The following MAP3K5 variants were observed in gnomAD, a reference collection of about 807,000 sequenced individuals.
The protein encoded by MAP3K5 is ASK-1.
MAP3K5 carries 56 observed loss-of-function variants against 158.7 expected under a neutral mutation model. The observed-to-expected ratio is 0.35, with a 90% CI of 0.28 to 0.44. The LOEUF is 0.44. Among genes scored for constraint, MAP3K5 ranks in the 20% least tolerant of loss-of-function variants. The probability of loss-of-function intolerance (pLI) is 1.00; values close to 1 mark genes in which losing one functional copy is unlikely to be tolerated. For synonymous variants in MAP3K5, 579 were observed against 601.7 expected (o/e 0.96, Z 0.55); for missense variants, 1,294 against 1,674.8 (o/e 0.77, Z 3.97).
At chr6:136,737,293 C>T (rs1038131957) in intron 1 of MAP3K5, among the ~76,000 whole-genome samples, 1 of 152,068 alleles carries the variant, frequency 6.6e-6, no homozygotes, top group East Asian at 1.9e-4. Flanking sequence ...ATATTATGCT[C>T]ACTACACCTG....
At chr6:136,709,491 C>A (rs934775935) in intron 2 of MAP3K5, among the ~76,000 whole-genome samples, 2 of 152,100 alleles carry the variant, frequency 1.3e-5, no homozygotes, top group East Asian at 1.9e-4. Flanking sequence ...CATGCTCCCC[C>A]AGCATACAAG....
intron 25 of MAP3K5, among the ~76,000 whole-genome samples, chr6:136,575,549 C>T (rs778751967): frequency 7.9e-5 from 12 of 152,098 alleles, no homozygotes; most frequent in Non-Finnish European, 1.5e-4. Flanking sequence ...ATCAAGGATC[C>T]CTCATTATAA....
intron 25 of MAP3K5, among the ~76,000 whole-genome samples, chr6:136,578,928 TG>T (rs1328990155): frequency 1.3e-5 from 2 of 151,820 alleles, no homozygotes; most frequent in African/African-American, 4.8e-5. Context: ...CACAGCACTT[TG>T]GGAGGCCGAG....
chr6:136,584,606 A>C (rs904876228), intron 23 of MAP3K5: 4 of 152,206 alleles, frequency 2.6e-5, no homozygotes, highest in African/African-American at 9.7e-5. Flanking sequence ...ATCACCTCCC[A>C]CCAGGTTCCT....
intron 7 of MAP3K5, among the ~76,000 whole-genome samples, chr6:136,671,219 C>T (rs563981340): frequency 2.7e-3 from 404 of 152,212 alleles, no homozygotes; most frequent in African/African-American, 9.5e-3. Flanking sequence ...AAAATGAAGA[C>T]ATATCGAAAT....
intron 15 of MAP3K5, among the ~76,000 whole-genome samples, chr6:136,622,259 C>T (rs779331864): frequency 8.5e-5 from 13 of 152,124 alleles, no homozygotes; most frequent in Non-Finnish European, 1.6e-4. Context: ...TTAACTCAGA[C>T]TTCACAGTGG....
intron 1 of MAP3K5, among the ~76,000 whole-genome samples, chr6:136,739,593 T>C (rs1782625936): frequency 6.6e-6 from 1 of 152,222 alleles, no homozygotes; most frequent in South Asian, 2.1e-4. Context: ...TTCTTTTCAG[T>C]AGACCCTTTA....
rs563562839 is a variant in MAP3K5 at position 136,605,147 on chromosome 6, C to G, written c.2679+62G>C. 8.9e-4 allele frequency: 1,361 copies of G among 1,526,914 alleles called. 30 individuals carry two copies. The South Asian group carries it at 0.015, about 17-fold the overall frequency. The allele number at this position is 1,526,914 out of a possible 1,614,324, so 94.6% of individuals were successfully genotyped here. The stretch of plus-strand genomic sequence containing the variant: ...TCTAAAAAAATATGACACACACACA[C>G]AGAACATCCAACAGCTATAAAAAGC... On this transcript the variant is annotated intron_variant, in intron 19 of 29. Coordinates refer to ENST00000359015, the MANE Select transcript of MAP3K5 (RefSeq NM_005923.4).
intron 3 of MAP3K5, among the ~76,000 whole-genome samples, chr6:136,704,289 T>C (rs1176680461): frequency 6.6e-6 from 1 of 152,164 alleles, no homozygotes; most frequent in Non-Finnish European, 1.5e-5. Flanking sequence ...TTCCTATACC[T>C]TATCATGATT....
intron 1 of MAP3K5, among the ~76,000 whole-genome samples, chr6:136,755,704 A>G (rs1783448798): frequency 6.6e-6 from 1 of 151,986 alleles, no homozygotes; most frequent in Non-Finnish European, 1.5e-5. Context: ...AAAAAAAAAA[A>G]AAAAAGTTAA....
chr6:136,764,239 C>G (rs1783871227), intron 1 of MAP3K5, among the ~76,000 whole-genome samples: 1 of 152,198 alleles, frequency 6.6e-6, no homozygotes, highest in Non-Finnish European at 1.5e-5. Context: ...CAGTTACCCC[C>G]CTTCCCTTGA....
At chr6:136,578,071 T>C (rs546400694) in intron 25 of MAP3K5, among the ~76,000 whole-genome samples, 1 of 152,194 alleles carries the variant, frequency 6.6e-6, no homozygotes, top group Non-Finnish European at 1.5e-5. Context: ...TCATGGCCCA[T>C]ACCTCTCCCT....
rs111262506 is a variant in MAP3K5 at position 136,561,873 on chromosome 6, C to A, written c.3875-228G>T. ...AAGCAATAATGAAATGACACTCCTA[C>A]GTTACACTTTCATATCAATTTTATG... On this transcript the variant is annotated intron_variant, in intron 27 of 29. Transcript: ENST00000359015. Among the ~76,000 whole-genome samples, 1,132 of 152,224 alleles carry A rather than the reference C, an allele frequency of 7.4e-3. 8 individuals carry two copies. The highest frequency in any genetic ancestry group is 0.012 in the Admixed American group (182 of 15,298).
chr6:136,606,158 C>G (rs1776090382), intron 18 of MAP3K5, among the ~76,000 whole-genome samples: 1 of 152,192 alleles, frequency 6.6e-6, no homozygotes, highest in Non-Finnish European at 1.5e-5. Flanking sequence ...TGAGACCAGC[C>G]TGGCAAACAT....
intron 1 of MAP3K5, among the ~76,000 whole-genome samples, chr6:136,763,736 T>C (rs1198036862): frequency 6.6e-6 from 1 of 152,122 alleles, no homozygotes; most frequent in Non-Finnish European, 1.5e-5. Flanking sequence ...CCAAGTGTCA[T>C]GGTGAAATTT....
chr6:136,579,335 G>T (rs1467985243), intron 25 of MAP3K5, among the ~76,000 whole-genome samples: 1 of 152,100 alleles, frequency 6.6e-6, no homozygotes, highest in Admixed American at 6.5e-5. Context: ...CTTAGAGTAT[G>T]AATACACTCC....
chr6:136,757,134 G>T (rs1783526708), intron 1 of MAP3K5, among the ~76,000 whole-genome samples: 1 of 152,190 alleles, frequency 6.6e-6, no homozygotes, highest in South Asian at 2.1e-4. Context: ...GTGTCGTAGG[G>T]TTCCAGCCTG....
chr6:136,693,998 T>C, intron 7 of MAP3K5, 142 bp downstream of exon 7: 1 of 632,472 alleles, frequency 1.6e-6, no homozygotes, highest in Non-Finnish European at 2.5e-6. Context: ...AAAAATAAAA[T>C]AAAATAAAAT....
chr6:136,720,955 T>A (rs1027778993), intron 1 of MAP3K5, among the ~76,000 whole-genome samples: 7 of 152,012 alleles, frequency 4.6e-5, no homozygotes, highest in African/African-American at 1.4e-4. Flanking sequence ...AATTAAAAAA[T>A]TTTTTTAGAG....
Sources: allele counts gnomAD v4.1 joint callset (sites outside exome capture counted in the v4.1 genomes callset), GRCh38; gene constraint gnomAD v4.1.1; transcripts MANE v1.5; gene names NCBI Gene and HGNC (gene_info 2026-07-23, HGNC 2026-07-21).